Variants in PDIA2 observed in about 807,000 individuals in gnomAD.
PDIA2 encodes the protein protein disulfide isomerase family A member 2.
In PDIA2, 76 loss-of-function variants were observed where a neutral mutation model predicts 51.1. The observed-to-expected ratio is 1.49, with a 90% CI of 1.24 to 1.80. The LOEUF (loss-of-function observed/expected upper bound fraction) is 1.80, where lower values mean the gene tolerates loss of function less well. Ranked by LOEUF, PDIA2 falls within the 40% of genes most tolerant of loss-of-function variation. The pLI is 0.00. For synonymous variants in PDIA2, 429 were observed against 309.9 expected (o/e 1.38, Z -4.04); for missense variants, 946 against 706.5 (o/e 1.34, Z -3.84).
In PDIA2 at chr16:285,691, C is replaced by T. The variant is rs763054950; in HGVS notation, c.1107C>T (p.Asn369=). 2.9e-5 allele frequency: 47 copies of T among 1,612,848 alleles called. No homozygotes were observed. Among genetic ancestry groups the T allele is most frequent in the East Asian group, 1.3e-4 (6 of 44,892 alleles). ...CTGCTTTCTGCCATGCAGTCCTCAA[C>T]GGCCAAGTCAAGGTCCGCTGCAGAC... ...SITAFCHAVL[N]GQVKPYLLSQ... is the part of the protein sequence containing the mutation. The change falls in exon 7 of 11, where the codon AAC becomes AAT. Residue 369 remains asparagine (N), a synonymous_variant. Transcript: ENST00000219406.
intron 1 of PDIA2, chr16:284,091 C>T (rs2052321564): frequency 6.2e-6 from 3 of 483,274 alleles, no homozygotes; most frequent in Non-Finnish European, 3.8e-6. Context: ...TGGTCTCGAA[C>T]TCCCAACCTC....
In PDIA2 at chr16:285,587, A is replaced by C. The variant is rs761821338; in HGVS notation, c.1003A>C (p.Thr335Pro). Reference protein sequence around the residue: ...YFGLKAEAAPTLRLVNLETTK... With the variant: ...YFGLKAEAAPPLRLVNLETTK... ...TGGACTCAAGGCTGAGGCAGCCCCC[A>C]CTCTGCGCTTGGTCAACCTTGAAAC... is the stretch of plus-strand genomic sequence containing the variant. The change falls in exon 7 of 11, where the codon ACT becomes CCT. Residue 335 changes from threonine (T) to proline (P), a missense_variant. Physicochemically the swap from Thr to Pro is conservative, Grantham distance 38. Transcript: ENST00000219406. 3 of 1,613,092 alleles carry C rather than the reference A, an allele frequency of 1.9e-6. No individual in the cohort carries two copies. The highest frequency in any genetic ancestry group is 2.2e-5 in the South Asian group (2 of 91,078).
In PDIA2 at chr16:286,741, G is replaced by A. The variant is rs1344923487; in HGVS notation, c.1422+6G>A. The A allele has an allele frequency of 6.2e-7, 1 of 1,612,828 alleles. No homozygotes were observed. Among genetic ancestry groups the A allele is most frequent in the Non-Finnish European group, 8.5e-7 (1 of 1,179,930 alleles). On this transcript the variant is annotated splice_donor_region_variant and intron_variant, in intron 9 of 10. Coordinates refer to ENST00000219406, the MANE Select transcript of PDIA2 (RefSeq NM_006849.4). ...CAGCAGGGCCAGGTCGGAAGGTATGGCGGACAGGTGGCTGGGGAGGAAGCC... is the reference window on the plus strand; with the variant it reads ...CAGCAGGGCCAGGTCGGAAGGTATGACGGACAGGTGGCTGGGGAGGAAGCC...
In PDIA2 at chr16:286,885, G is replaced by A. The variant is rs763133436; in HGVS notation, c.1473G>A (p.Leu491=). Residue 491 remains leucine (L), a synonymous_variant, in exon 10 of 11, where the codon CTG becomes CTA. Transcript: ENST00000219406. ...ACCTGGAGACTTTCTCCAAGTTCCT[G>A]GACAACGGGGGCGTGCTGCCCACGG... is the stretch of plus-strand genomic sequence containing the variant. ...TRDLETFSKF[L]DNGGVLPTEE... 5.0e-6 allele frequency: 8 copies of A among 1,604,486 alleles called. No individual in the cohort carries two copies. The highest frequency in any genetic ancestry group is 5.9e-6 in the Non-Finnish European group (7 of 1,177,052).
chr16:283,472 G>GGCCTCCCCGCAGGCACTTGCCCCCACTGT, intron 1 of PDIA2, 104 bp downstream of exon 1: 1 of 1,257,518 alleles, frequency 8.0e-7, no homozygotes, highest in Non-Finnish European at 1.1e-6. Flanking sequence ...GCCCAAGAGG[G>GGCCTCCCCGCAGGCACTTGCCCCCACTGT]GCCTCCCCGC....
chr16:285,758 T>C (rs1181267542), intron 7 of PDIA2, 55 bp downstream of exon 7: 8 of 1,565,970 alleles, frequency 5.1e-6, no homozygotes, highest in Non-Finnish European at 6.9e-6. Flanking sequence ...TCCCACCAGC[T>C]TGGCAGGGGG....
At chr16:283,446 CA>C in intron 1 of PDIA2, 78 bp downstream of exon 1, 1 of 1,420,648 alleles carries the variant, frequency 7.0e-7, no homozygotes, top group Non-Finnish European at 9.4e-7. Flanking sequence ...CCTTTGCCGG[CA>C]AATGCAGGGC....
rs778650775 is a variant in PDIA2 at position 285,418 on chromosome 16, C to G, written c.902C>G (p.Ala301Gly). 1.2e-6 allele frequency: 2 copies of G among 1,611,044 alleles called. No individual in the cohort carries two copies. Among genetic ancestry groups the G allele is most frequent in the South Asian group, 1.1e-5 (1 of 91,002 alleles). The change falls in exon 6 of 11, where the codon GCT becomes GGT. Residue 301 changes from alanine (A) to glycine (G), a missense_variant. Physicochemically the swap from Ala to Gly is moderately conservative, Grantham distance 60 (BLOSUM62 0). Coordinates refer to ENST00000219406, the MANE Select transcript of PDIA2 (RefSeq NM_006849.4). ...CTCCTAGCGGGCTTTGGGGAGGCAGCTCCCCGCTTCCGGGGGCAGGTACTG... is the reference window on the plus strand; with the variant it reads ...CTCCTAGCGGGCTTTGGGGAGGCAGGTCCCCGCTTCCGGGGGCAGGTACTG... ...RELLAGFGEA[A>G]PRFRGQVLFV...
Position 284,738 on chromosome 16 carries a change from G to T in PDIA2, c.486G>T (p.Ala162=). The T allele has an allele frequency of 6.4e-7, 1 of 1,561,542 alleles. No individual in the cohort carries two copies. Among genetic ancestry groups the T allele is most frequent in the East Asian group, 2.3e-5 (1 of 44,096 alleles). ...GTGCCATGCGGCTGGAGGACGAGGC[G>T]GCCGCCCAGGCGCTGATCGGTGGCC... ...GPSAMRLEDE[A]AAQALIGGRD... is the part of the protein sequence containing the mutation. The change falls in exon 3 of 11, where the codon GCG becomes GCT. Residue 162 remains alanine, a synonymous_variant. Transcript: ENST00000219406.
chr16:283,387 G>C lies in PDIA2; in HGVS notation c.199+19G>C, dbSNP rs575579505. ...GAATTCTGTGAGTGCTGGGGCCAGT[G>C]GGGCTGGGGACCGGCGGGGGACCGG... On this transcript the variant is annotated intron_variant, in intron 1 of 10. Transcript: ENST00000219406. 4 of 1,560,896 alleles carry C rather than the reference G, an allele frequency of 2.6e-6. No individual in the cohort carries two copies. In the South Asian group the frequency reaches 4.7e-5, roughly 18 times the overall value.
In PDIA2 at chr16:285,696, A is replaced by G; in HGVS notation, c.1112A>G (p.Gln371Arg). 1 of 1,612,792 alleles carries G rather than the reference A, an allele frequency of 6.2e-7. No individual in the cohort carries two copies. Among genetic ancestry groups the G allele is most frequent in the Non-Finnish European group, 8.5e-7 (1 of 1,179,846 alleles). ...TAFCHAVLNG[Q>R]VKPYLLSQEI... ...TTCTGCCATGCAGTCCTCAACGGCC[A>G]AGTCAAGGTCCGCTGCAGACTGCTC... Residue 371 changes from glutamine to arginine, a missense_variant, in exon 7 of 11, where the codon CAA becomes CGA. Gln to Arg is a conservative substitution (Grantham distance 43). Coordinates refer to ENST00000219406, the MANE Select transcript of PDIA2 (RefSeq NM_006849.4).
At position 285,316 on chromosome 16, in the gene PDIA2, C is replaced by G; in HGVS notation, c.800C>G (p.Ser267Cys). The G allele has an allele frequency of 6.2e-7, 1 of 1,612,886 alleles. No homozygotes were observed. Among genetic ancestry groups the G allele is most frequent in the Non-Finnish European group, 8.5e-7 (1 of 1,179,884 alleles). The change falls in exon 6 of 11, where the codon TCT becomes TGT. Residue 267 changes from serine to cysteine, a missense_variant. Physicochemically the swap from Ser to Cys is moderately radical, Grantham distance 112 (BLOSUM62 -1). Coordinates refer to ENST00000219406, the MANE Select transcript of PDIA2 (RefSeq NM_006849.4). ...RLVTEFNSQT[S>C]AKIFAARILN... is the part of the protein sequence containing the mutation. The stretch of plus-strand genomic sequence containing the variant: ...TGAGCACCCTCCCTACTGTAGACGT[C>G]TGCCAAGATCTTCGCGGCCAGGATC...
At position 284,987 on chromosome 16, in the gene PDIA2, C is replaced by T; in HGVS notation, c.650C>T (p.Thr217Ile). ...CGGCTCTTTCAGCAGTTTGGCCTCA[C>T]CAAGGACACTGTGGTTCTCTTCAAG... The part of the protein sequence containing the change: ...RPRLFQQFGL[T>I]KDTVVLFKKF... Residue 217 changes from threonine to isoleucine, a missense_variant, in exon 4 of 11, where the codon ACC (threonine) becomes ATC (isoleucine). Physicochemically the swap from Thr to Ile is moderately conservative, Grantham distance 89 (BLOSUM62 -1). Coordinates refer to ENST00000219406, the MANE Select transcript of PDIA2 (RefSeq NM_006849.4). The T allele has an allele frequency of 6.2e-7, 1 of 1,613,430 alleles. No individual in the cohort carries two copies.
chr16:285,117 G>A lies in PDIA2; in HGVS notation c.712G>A (p.Glu238Lys), dbSNP rs374948503. 8.0e-5 allele frequency: 129 copies of A among 1,612,914 alleles called. No individual in the cohort carries two copies. Among genetic ancestry groups the A allele is most frequent in the South Asian group, 5.4e-4 (49 of 91,092 alleles). ...DEGRADFPVD[E>K]ELGLDLGDLS... ...GGGGCGGGCAGACTTCCCCGTGGAC[G>A]AGGAGCTTGGCCTGGACCTGGGGGA... is the stretch of plus-strand genomic sequence containing the variant. Residue 238 changes from glutamate (E) to lysine (K), a missense_variant, in exon 5 of 11, where the codon GAG becomes AAG. Glu to Lys is a moderately conservative substitution (Grantham distance 56). Transcript: ENST00000219406.
rs771759781 is a variant in PDIA2, at chr16:287,158, C to T, written c.*45C>T. ...GCCATCACTGCTGGACAGGAGCCAC[C>T]CCCTTGGGTACCAGAGGGAGCTGTG... is the stretch of plus-strand genomic sequence containing the variant. On this transcript the variant is annotated 3_prime_UTR_variant, in exon 11 of 11. Coordinates refer to ENST00000219406, the MANE Select transcript of PDIA2 (RefSeq NM_006849.4). 1 of 1,609,334 alleles carries T rather than the reference C, an allele frequency of 6.2e-7. No homozygotes were observed. Among genetic ancestry groups the T allele is most frequent in the East Asian group, 2.2e-5 (1 of 44,872 alleles).
rs1385691635 is a variant in PDIA2, at chr16:285,722, A to G, written c.1119+19A>G. On this transcript the variant is annotated intron_variant, in intron 7 of 10. Transcript: ENST00000219406. ...AGTCAAGGTCCGCTGCAGACTGCTC[A>G]TAATGGAAGGGGAACCCTGACCTCA... The G allele has an allele frequency of 6.2e-7, 1 of 1,609,096 alleles. No individual in the cohort carries two copies. Among genetic ancestry groups the G allele is most frequent in the Admixed American group, 1.7e-5 (1 of 59,444 alleles).
At chr16:286,497 T>G (rs1596949323) in intron 8 of PDIA2, 24 bp downstream of exon 8, 1 of 1,609,986 alleles carries the variant, frequency 6.2e-7, no homozygotes. Flanking sequence ...GAGGCAGGGG[T>G]GGTGTGGGCT....
rs757507312 is a variant in PDIA2 at position 285,194 on chromosome 16, C to T, written c.789C>T (p.Asn263=). 10 of 1,612,718 alleles carry T rather than the reference C, an allele frequency of 6.2e-6. No homozygotes were observed. The African/African-American group carries it at 6.7e-5, about 11-fold the overall frequency. Reference sequence around the variant, plus strand: ...GCATGCGCCTGGTCACGGAGTTCAACAGCCAGGTGCGTAGGCTGCAGTGCC... The same window carrying T: ...GCATGCGCCTGGTCACGGAGTTCAATAGCCAGGTGCGTAGGCTGCAGTGCC... ...THSMRLVTEF[N]SQTSAKIFAA... is the part of the protein sequence containing the mutation. Residue 263 remains asparagine, a synonymous_variant, in exon 5 of 11, where the codon AAC becomes AAT. Coordinates refer to ENST00000219406, the MANE Select transcript of PDIA2 (RefSeq NM_006849.4).
In PDIA2 at chr16:286,897, C is replaced by CAA. The variant is rs760393987; in HGVS notation, c.1485_1486insAA (p.Val496LysfsTer59). The CAA allele has an allele frequency of 1.9e-5, 30 of 1,602,748 alleles. No homozygotes were observed. Among genetic ancestry groups the CAA allele is most frequent in the Non-Finnish European group, 2.6e-5 (30 of 1,176,468 alleles). On this transcript the variant is annotated frameshift_variant, in exon 10 of 11. Coordinates refer to ENST00000219406, the MANE Select transcript of PDIA2 (RefSeq NM_006849.4). LOFTEE classifies it low-confidence loss of function (END_TRUNC). ...TCTCCAAGTTCCTGGACAACGGGGG[C>CAA]GTGCTGCCCACGGAGGAGCCCCCGG...
Sources: allele counts gnomAD v4.1 joint callset, GRCh38; gene constraint gnomAD v4.1.1; transcripts MANE v1.5; gene names NCBI Gene and HGNC (gene_info 2026-07-23, HGNC 2026-07-21).